The following N4BP2 variants were observed in gnomAD, a reference collection of about 807,000 sequenced individuals.
N4BP2 encodes NEDD4-binding protein 2.
N4BP2 carries 91 observed loss-of-function variants against 152.8 expected under a neutral mutation model. The ratio of observed to expected loss-of-function variants is 0.60; its 90% CI spans 0.50 to 0.71. N4BP2 has a LOEUF of 0.71. N4BP2 is among the 30% of genes least tolerant of loss of function. N4BP2 has a pLI of 0.00. For synonymous variants in N4BP2, 646 were observed against 705.3 expected (o/e 0.92, Z 1.33); for missense variants, 1,923 against 2,059.1 (o/e 0.93, Z 1.28).
At chr4:40,130,295 G>T (rs928894497) in intron 12 of N4BP2, among the ~76,000 whole-genome samples, 1 of 152,060 alleles carries the variant, frequency 6.6e-6, no homozygotes, top group Admixed American at 6.5e-5. Flanking sequence ...CTTCCAAAGT[G>T]CTAGGATTAT....
intron 5 of N4BP2, among the ~76,000 whole-genome samples, chr4:40,108,912 G>C (rs1257665899): frequency 6.6e-6 from 1 of 151,500 alleles, no homozygotes; most frequent in African/African-American, 2.4e-5. Context: ...TGCCTCCCGG[G>C]TTTAAGCGAT....
At position 40,113,527 on chromosome 4, in the gene N4BP2, C is replaced by T. The variant is rs768806070; in HGVS notation, c.1664+19C>T. ...TTGCAAGGTAAAACTTGGAGGCTACCTAACATGCTTTTTATGTAACGACAG... is the reference window on the plus strand; with the variant it reads ...TTGCAAGGTAAAACTTGGAGGCTACTTAACATGCTTTTTATGTAACGACAG... On this transcript the variant is annotated intron_variant, in intron 7 of 17. Coordinates refer to ENST00000261435, the MANE Select transcript of N4BP2 (RefSeq NM_018177.6). 2 of 1,570,306 alleles carry T rather than the reference C, an allele frequency of 1.3e-6. No homozygotes were observed. Among genetic ancestry groups the T allele is most frequent in the Admixed American group, 3.4e-5 (2 of 59,632 alleles).
chr4:40,092,566 G>T (rs942054775), intron 2 of N4BP2, among the ~76,000 whole-genome samples: 20 of 151,130 alleles, frequency 1.3e-4, no homozygotes, highest in African/African-American at 4.6e-4. Flanking sequence ...AGATCATTTG[G>T]GTAAACCAGC....
At position 40,098,935 on chromosome 4, in the gene N4BP2, T is replaced by G. The variant is rs191822318; in HGVS notation, c.229+1366T>G. On this transcript the variant is annotated intron_variant, in intron 3 of 17. Transcript: ENST00000261435. Reference sequence around the variant, plus strand: ...TAAGCATTTGTCTATGTTGCTGTAATCTGTATTTTTAATGGGTTTCTAATC... The same window carrying G: ...TAAGCATTTGTCTATGTTGCTGTAAGCTGTATTTTTAATGGGTTTCTAATC... Among the ~76,000 whole-genome samples the G allele has an allele frequency of 7.2e-5, 11 of 152,332 alleles. No individual in the cohort carries two copies. The East Asian group carries it at 2.1e-3, about 29-fold the overall frequency.
intron 2 of N4BP2, among the ~76,000 whole-genome samples, chr4:40,088,841 G>A (rs1436152741): frequency 6.6e-6 from 1 of 152,146 alleles, no homozygotes; most frequent in African/African-American, 2.4e-5. Context: ...GGTTAGTGAT[G>A]TTGAACATCT....
In N4BP2 at chr4:40,126,426, A is replaced by T. The variant is rs181873021; in HGVS notation, c.4527+96A>T. On this transcript the variant is annotated intron_variant, in intron 12 of 17. Transcript: ENST00000261435. The stretch of plus-strand genomic sequence containing the variant: ...TTTTCAAAGTATTTTCTAGTCTAGA[A>T]TCCATATTTAACCTGATTGAATTTA... 2.1e-4 allele frequency: 123 copies of T among 596,376 alleles called. No homozygotes were observed. The African/African-American group carries it at 2.3e-3, about 11-fold the overall frequency. 36.9% of individuals were successfully genotyped at this position (596,376 alleles called of 1,614,324 possible). A position where few individuals can be genotyped will look rare whatever the true frequency, so the allele number is the denominator to read the frequency against.
At chr4:40,125,007 G>C (rs911501961) in intron 11 of N4BP2, among the ~76,000 whole-genome samples, 4 of 152,212 alleles carry the variant, frequency 2.6e-5, no homozygotes, top group African/African-American at 9.6e-5. Flanking sequence ...TTCAGTGACT[G>C]TTGCAGGGTG....
intron 12 of N4BP2, among the ~76,000 whole-genome samples, chr4:40,130,415 T>TA (rs1184483589): frequency 6.6e-6 from 1 of 152,256 alleles, no homozygotes; most frequent in Non-Finnish European, 1.5e-5. Context: ...GTCATATTGT[T>TA]ACCTCTTGTG....
chr4:40,188,014 AG>A, the N4BP2 span, among the ~76,000 whole-genome samples: 6 of 152,262 alleles, frequency 3.9e-5, no homozygotes, highest in Non-Finnish European at 8.8e-5. Flanking sequence ...GCAAAGGAAA[AG>A]GTTTCTTCTG....
chr4:40,057,924 G>A (rs1733349591), intron 1 of N4BP2, among the ~76,000 whole-genome samples: 1 of 152,076 alleles, frequency 6.6e-6, no homozygotes, highest in South Asian at 2.1e-4. Flanking sequence ...ACACATTCTC[G>A]CCATGCAGTG....
chr4:40,061,390 G>A (rs1473547591), intron 1 of N4BP2, among the ~76,000 whole-genome samples: 1 of 150,830 alleles, frequency 6.6e-6, no homozygotes, highest in African/African-American at 2.4e-5. Context: ...TTGAGATGGA[G>A]TCTCGCTCTT....
the N4BP2 span, among the ~76,000 whole-genome samples, chr4:40,188,713 C>T: frequency 5.2e-5 from 7 of 135,246 alleles, no homozygotes; most frequent in East Asian, 2.2e-4. Context: ...CCAGTGCACT[C>T]GGGCCTGGGT....
chr4:40,085,102 G>A (rs913640436), intron 2 of N4BP2, among the ~76,000 whole-genome samples: 15 of 151,834 alleles, frequency 9.9e-5, no homozygotes, highest in African/African-American at 1.5e-4. Context: ...TAGTAGAGAC[G>A]GGGCTTCACT....
rs1296155540 is a variant in N4BP2, at chr4:40,117,992, G to A, written c.1788G>A (p.Leu596=). The A allele has an allele frequency of 6.2e-7, 1 of 1,608,020 alleles. No individual in the cohort carries two copies. Among genetic ancestry groups the A allele is most frequent in the Non-Finnish European group, 8.5e-7 (1 of 1,177,090 alleles). ...CAGAGAAAATTGAACGTATTGAGTT[G>A]TGTGCATATTCTTGTGAGGATAGAA... The part of the protein sequence containing the change: ...SVPEKIERIE[L]CAYSCEDRST... Residue 596 remains leucine (L), a synonymous_variant, in exon 8 of 18, where the codon TTG becomes TTA. Transcript: ENST00000261435.
chr4:40,157,040 GTAA>G lies in N4BP2; in HGVS notation c.*2808_*2810del, dbSNP rs1174270087. The G allele has an allele frequency of 6.6e-6, 1 of 152,054 alleles. No homozygotes were observed. The highest frequency in any genetic ancestry group is 1.5e-5 in the Non-Finnish European group (1 of 67,952). The allele number at this position is 152,054 out of a possible 1,614,324, so 9.4% of individuals were successfully genotyped here. A position where few individuals can be genotyped will look rare whatever the true frequency, so the allele number is the denominator to read the frequency against. Reference sequence around the variant, plus strand: ...CACTTCTGTAGTATGGAAGGTTTCAGTAATAATTATATTCATTCAGTAGTCTCT... The same window carrying G: ...CACTTCTGTAGTATGGAAGGTTTCAGTAATTATATTCATTCAGTAGTCTCT... On this transcript the variant is annotated 3_prime_UTR_variant, in exon 18 of 18. Coordinates refer to ENST00000261435, the MANE Select transcript of N4BP2 (RefSeq NM_018177.6).
intron 2 of N4BP2, among the ~76,000 whole-genome samples, chr4:40,078,914 A>G (rs981582754): frequency 6.6e-6 from 1 of 151,992 alleles, no homozygotes; most frequent in African/African-American, 2.4e-5. Context: ...AAAATTGTGT[A>G]TCTTGAAAAA....
At chr4:40,144,876 A>C (rs1320863860) in intron 16 of N4BP2, 76 bp downstream of exon 16, 3 of 1,204,474 alleles carry the variant, frequency 2.5e-6, no homozygotes, top group Non-Finnish European at 3.5e-6. Flanking sequence ...CAAATTCAGG[A>C]GAGTCTGAAT....
rs776322423 is a variant in N4BP2 at position 40,102,539 on chromosome 4, A to C, written c.694A>C (p.Thr232Pro). The C allele has an allele frequency of 3.1e-6, 5 of 1,614,120 alleles. No individual in the cohort carries two copies. The African/African-American group carries it at 6.7e-5, about 22-fold the overall frequency. The change falls in exon 4 of 18, where the codon ACA becomes CCA. Residue 232 changes from threonine (T) to proline (P), a missense_variant. Coordinates refer to ENST00000261435, the MANE Select transcript of N4BP2 (RefSeq NM_018177.6). ...GTCCAAGTGTTTTATAAAGGATAAC[A>C]CATTGGCTTTGGAAAGTAACTACCC... ...NESKCFIKDN[T>P]LALESNYPED...
intron 12 of N4BP2, among the ~76,000 whole-genome samples, chr4:40,130,054 A>AT (rs922666383): frequency 8.0e-5 from 12 of 150,888 alleles, no homozygotes; most frequent in Admixed American, 3.3e-4. Flanking sequence ...ATTTTAATTT[A>AT]TTTTTTTTTG....
Sources: gnomAD v4.1 joint callset for allele counts (sites outside exome capture counted in the v4.1 genomes callset) on GRCh38, gnomAD v4.1.1 for gene constraint, MANE v1.5 for transcripts, NCBI Gene and HGNC (gene_info 2026-07-23, HGNC 2026-07-21) for gene names.